Variants in JAK1 observed in about 807,000 individuals in gnomAD.
JAK1 encodes the protein tyrosine-protein kinase JAK1.
JAK1 carries 16 observed loss-of-function variants against 136.6 expected under a neutral mutation model. The ratio of observed to expected loss-of-function variants is 0.12; its 90% CI spans 0.08 to 0.18. JAK1 has a LOEUF of 0.18. JAK1 is among the 10% of genes least tolerant of loss of function. The pLI is 1.00. For synonymous variants in JAK1, 492 were observed against 519.5 expected (o/e 0.95, Z 0.72); for missense variants, 859 against 1,450.1 (o/e 0.59, Z 6.62).
intron 8 of JAK1, among the ~76,000 whole-genome samples, chr1:64,863,911 G>A (rs1440619431): frequency 6.6e-6 from 1 of 152,098 alleles, no homozygotes; most frequent in Non-Finnish European, 1.5e-5. Flanking sequence ...ATTGTTTCTG[G>A]AAGATAGATT....
At chr1:64,843,219 C>G (rs1655018847) in intron 17 of JAK1, among the ~76,000 whole-genome samples, 1 of 152,182 alleles carries the variant, frequency 6.6e-6, no homozygotes, top group Non-Finnish European at 1.5e-5. Context: ...CAAGGCCAGG[C>G]ACACCAAACT....
intron 11 of JAK1, among the ~76,000 whole-genome samples, chr1:64,853,254 C>T (rs529044837): frequency 6.6e-6 from 1 of 152,210 alleles, no homozygotes; most frequent in African/African-American, 2.4e-5. Context: ...GCCTCACACA[C>T]AGGCCTTATT....
intron 1 of JAK1, among the ~76,000 whole-genome samples, chr1:64,963,856 G>T (rs1339981596): frequency 6.8e-6 from 1 of 148,128 alleles, no homozygotes; most frequent in African/African-American, 2.7e-5. Context: ...TGTTTGGGAT[G>T]GGGGGCTGTC....
chr1:64,921,949 T>A (rs1262293430), intron 1 of JAK1, among the ~76,000 whole-genome samples: 1 of 151,824 alleles, frequency 6.6e-6, no homozygotes, highest in African/African-American at 2.4e-5. Context: ...TAAAGAGAGA[T>A]TAAGTAACTG....
chr1:64,874,207 A>G (rs1019999765), intron 4 of JAK1, among the ~76,000 whole-genome samples: 2 of 152,168 alleles, frequency 1.3e-5, no homozygotes, highest in African/African-American at 4.8e-5. Flanking sequence ...TAAAACTACA[A>G]AAGCCTGTTC....
At chr1:64,962,962 C>T (rs1166885252) in intron 1 of JAK1, among the ~76,000 whole-genome samples, 1 of 152,170 alleles carries the variant, frequency 6.6e-6, no homozygotes, top group Non-Finnish European at 1.5e-5. Flanking sequence ...ATCCCAGCTA[C>T]TCGGGAGGCT....
chr1:64,903,342 T>C lies in JAK1; in HGVS notation c.-77-17001A>G, dbSNP rs12095048. Among the ~76,000 whole-genome samples, 775 of 152,248 alleles carry C rather than the reference T, an allele frequency of 5.1e-3. 3 individuals carry two copies. The highest frequency in any genetic ancestry group is 0.018 in the African/African-American group (745 of 41,524). On this transcript the variant is annotated intron_variant, in intron 1 of 24. Transcript: ENST00000342505. ...GCATCTGGCCCAAAGTCTGTAAACT[T>C]TTTATTACCTGCTCCAAAACTCACC...
chr1:64,884,875 A>G (rs191528157), intron 2 of JAK1, among the ~76,000 whole-genome samples: 1 of 152,288 alleles, frequency 6.6e-6, no homozygotes, highest in African/African-American at 2.4e-5. Context: ...GTTCCTTGAG[A>G]TAAGAACTGA....
At chr1:64,941,082 T>C (rs1645882328) in intron 1 of JAK1, among the ~76,000 whole-genome samples, 1 of 152,204 alleles carries the variant, frequency 6.6e-6, no homozygotes, top group Non-Finnish European at 1.5e-5. Flanking sequence ...GAGAATCACC[T>C]GAACATGCAA....
chr1:64,880,024 C>T (rs1453853164), intron 3 of JAK1, among the ~76,000 whole-genome samples: 1 of 152,140 alleles, frequency 6.6e-6, no homozygotes, highest in Admixed American at 6.6e-5. Flanking sequence ...ATGAGGTAAA[C>T]TTAAATGACA....
chr1:64,845,663 G>A, intron 14 of JAK1, 23 bp from the exon 15 acceptor site: 4 of 1,614,082 alleles, frequency 2.5e-6, no homozygotes, highest in East Asian at 2.2e-5. Flanking sequence ...AAATAGCCAT[G>A]TCTGGAACCT....
chr1:64,879,705 T>G (rs1320639740), intron 3 of JAK1, among the ~76,000 whole-genome samples: 3 of 152,234 alleles, frequency 2.0e-5, no homozygotes, highest in Non-Finnish European at 4.4e-5. Context: ...CTATTACCAT[T>G]AATAATAAAT....
At position 64,879,031 on chromosome 1, in the gene JAK1, C is replaced by T. The variant is rs2101215121; in HGVS notation, c.323G>A (p.Arg108Gln). The T allele has an allele frequency of 1.2e-6, 2 of 1,613,934 alleles. No individual in the cohort carries two copies. Among genetic ancestry groups the T allele is most frequent in the Non-Finnish European group, 1.7e-6 (2 of 1,179,934 alleles). The change falls in exon 4 of 25, where the codon CGG (arginine) becomes CAG (glutamine). Residue 108 changes from arginine to glutamine, a missense_variant. Physicochemically the swap from Arg to Gln is conservative, Grantham distance 43. This residue lies in a region of JAK1 where 353 missense variants were observed against 494.0 expected (regional missense o/e 0.71). Coordinates refer to ENST00000342505, the MANE Select transcript of JAK1 (RefSeq NM_002227.4). ...DDKMSLRLHY[R>Q]MRFYFTNWHG... ...AGGTCAGTACTTCCCATACCTCATC[C>T]GGTAGTGGAGCCGGAGGGACATCTT...
At chr1:64,876,859 G>C (rs1360685928) in intron 4 of JAK1, among the ~76,000 whole-genome samples, 1 of 152,166 alleles carries the variant, frequency 6.6e-6, no homozygotes, top group East Asian at 1.9e-4. Context: ...GCTACGCACT[G>C]CAAGTTTTTG....
intron 1 of JAK1, among the ~76,000 whole-genome samples, chr1:64,939,789 G>C (rs1049288850): frequency 3.9e-5 from 6 of 152,130 alleles, no homozygotes; most frequent in African/African-American, 1.4e-4. Flanking sequence ...TGCTATATAA[G>C]TCAATAAAAG....
chr1:64,987,577 A>T (rs1646611941), intron 2 of JAK1: 1 of 152,250 alleles, frequency 6.6e-6, no homozygotes, highest in Admixed American at 6.5e-5. Flanking sequence ...AGGGAAAAGC[A>T]TGGCTAGTTG....
rs1365341915 is a variant in JAK1 at position 64,869,299 on chromosome 1, G to A, written c.647+12C>T. 1.9e-6 allele frequency: 3 copies of A among 1,611,042 alleles called. No individual in the cohort carries two copies. The highest frequency in any genetic ancestry group is 1.7e-5 in the Admixed American group (1 of 59,906). ...CCTCACAATCAATTCTTCAGCCAGT[G>A]GGAAGCTTTACCTGATGTCCTTGGG... On this transcript the variant is annotated intron_variant, in intron 6 of 24. Transcript: ENST00000342505.
In JAK1 at chr1:64,834,220, G is replaced by A. The variant is rs191176470; in HGVS notation, c.*342C>T. On this transcript the variant is annotated 3_prime_UTR_variant, in exon 25 of 25. Coordinates refer to ENST00000342505, the MANE Select transcript of JAK1 (RefSeq NM_002227.4). Reference sequence around the variant, plus strand: ...CAGATATTATTTTGGTCAACTCCTCGTTTTCAAAAATCCCCTTTTGGTAAT... The same window carrying A: ...CAGATATTATTTTGGTCAACTCCTCATTTTCAAAAATCCCCTTTTGGTAAT... The A allele has an allele frequency of 2.5e-4, 62 of 248,580 alleles. No homozygotes were observed. Among genetic ancestry groups the A allele is most frequent in the Admixed American group, 4.5e-4 (9 of 19,846 alleles). The allele number at this position is 248,580 out of a possible 1,614,324, so 15.4% of individuals were successfully genotyped here. A position where few individuals can be genotyped will look rare whatever the true frequency, so the allele number is the denominator to read the frequency against.
At chr1:65,040,228 AAAG>A (rs1385228571) in intron 2 of JAK1, among the ~76,000 whole-genome samples, 6 of 152,106 alleles carry the variant, frequency 3.9e-5, no homozygotes, top group South Asian at 2.1e-4. Flanking sequence ...AAAAAAAAAA[AAAG>A]AAGTCTGAAA....
Sources: allele counts gnomAD v4.1 joint callset (sites outside exome capture counted in the v4.1 genomes callset), GRCh38; gene constraint gnomAD v4.1.1; regional missense constraint gnomAD v4.1.1; transcripts MANE v1.5; gene names NCBI Gene and HGNC (gene_info 2026-07-23, HGNC 2026-07-21).